The following ALK variants were observed in gnomAD, a reference collection of about 807,000 sequenced individuals.
ALK encodes ALK receptor tyrosine kinase, also known as ALK tyrosine kinase receptor.
A neutral mutation model predicts 163.1 loss-of-function variants in ALK; 74 were observed. The observed-to-expected ratio is 0.45, with a 90% CI of 0.38 to 0.55. The LOEUF (loss-of-function observed/expected upper bound fraction) is 0.55. ALK is among the 20% of genes least tolerant of loss of function. The pLI, the probability that ALK is intolerant of heterozygous loss-of-function variation, is 0.00. For synonymous variants in ALK, 960 were observed against 843.2 expected, an observed-to-expected ratio of 1.14 and a Z score of -2.40; for missense variants, 2,063 against 2,105.3, an observed-to-expected ratio of 0.98 and a Z score of 0.39.
chr2:29,753,583 T>C (rs1185017594), intron 1 of ALK, among the ~76,000 whole-genome samples: 2 of 152,112 alleles, frequency 1.3e-5, no homozygotes, highest in Non-Finnish European at 2.9e-5. Flanking sequence ...CAATAAAAGC[T>C]AGGGAGTTGG....
intron 3 of ALK, among the ~76,000 whole-genome samples, chr2:29,582,425 C>G (rs1674731993): frequency 6.6e-6 from 1 of 152,174 alleles, no homozygotes; most frequent in Non-Finnish European, 1.5e-5. Flanking sequence ...TAGGACCAGT[C>G]TGATAATTGA....
intron 1 of ALK, among the ~76,000 whole-genome samples, chr2:29,914,604 C>T (rs1250625590): frequency 6.6e-6 from 1 of 152,228 alleles, no homozygotes; most frequent in Admixed American, 6.5e-5. Flanking sequence ...CATGACAACA[C>T]CTTGAACTAT....
chr2:29,875,198 A>C (rs1666673162), intron 1 of ALK, among the ~76,000 whole-genome samples: 1 of 152,202 alleles, frequency 6.6e-6, no homozygotes, highest in Admixed American at 6.5e-5. Context: ...AAAAGAATGA[A>C]ATTCTGATAC....
intron 1 of ALK, among the ~76,000 whole-genome samples, chr2:29,767,112 A>G (rs1680886308): frequency 6.6e-6 from 1 of 152,252 alleles, no homozygotes; most frequent in South Asian, 2.1e-4. Flanking sequence ...AATAGGACCT[A>G]CTATGCACCA....
At chr2:29,374,664 T>C (rs1668712562) in intron 5 of ALK, among the ~76,000 whole-genome samples, 1 of 152,088 alleles carries the variant, frequency 6.6e-6, no homozygotes, top group South Asian at 2.1e-4. Context: ...GAGGGTGCGC[T>C]GCAGGGGGCG....
At chr2:29,372,415 C>A (rs1276282543) in intron 5 of ALK, among the ~76,000 whole-genome samples, 2 of 152,204 alleles carry the variant, frequency 1.3e-5, no homozygotes, top group South Asian at 4.1e-4. Context: ...TTCTTGATGA[C>A]TCATACCAAT....
intron 3 of ALK, among the ~76,000 whole-genome samples, chr2:29,673,842 C>T (rs1324686284): frequency 2.6e-5 from 4 of 151,270 alleles, no homozygotes; most frequent in Admixed American, 1.3e-4. Flanking sequence ...TTTGTATCCT[C>T]TTTTATTTCC....
intron 3 of ALK, among the ~76,000 whole-genome samples, chr2:29,538,139 G>T (rs1027736094): frequency 6.6e-6 from 1 of 152,134 alleles, no homozygotes; most frequent in East Asian, 1.9e-4. Context: ...TACTTTTGAG[G>T]AACTATTGTG....
intron 3 of ALK, among the ~76,000 whole-genome samples, chr2:29,628,989 A>G (rs996580204): frequency 7.9e-5 from 12 of 152,246 alleles, no homozygotes; most frequent in African/African-American, 2.7e-4. Flanking sequence ...AACCAAATTA[A>G]AAATGAAACC....
chr2:29,230,651 A>AG lies in ALK; in HGVS notation c.2633-1586dup, dbSNP rs771032599. Among the ~76,000 whole-genome samples, 28 of 152,204 alleles carry AG rather than the reference A, an allele frequency of 1.8e-4. 1 individual carries two copies. The highest frequency in any genetic ancestry group is 1.4e-3 in the East Asian group (7 of 5,152). ...TTGAATCTAGAATGGGGACAAGCAG[A>AG]GCTGAGGCGAGGCCATCAGGCAAGC... On this transcript the variant is annotated intron_variant, in intron 15 of 28. Transcript: ENST00000389048.
At chr2:29,913,839 T>A (rs557897018) in intron 1 of ALK, among the ~76,000 whole-genome samples, 2 of 152,246 alleles carry the variant, frequency 1.3e-5, no homozygotes, top group African/African-American at 4.8e-5. Context: ...TACATTTCTC[T>A]CCATATTCTC....
chr2:29,496,254 C>G (rs1456794116), intron 4 of ALK, among the ~76,000 whole-genome samples: 2 of 152,222 alleles, frequency 1.3e-5, no homozygotes, highest in African/African-American at 4.8e-5. Context: ...TTTATTACAT[C>G]AGATCCAAGC....
intron 3 of ALK, among the ~76,000 whole-genome samples, chr2:29,670,063 A>C (rs1677635550): frequency 6.6e-6 from 1 of 152,072 alleles, no homozygotes. Context: ...CCATAATTAC[A>C]ATACAGTATT....
At chr2:29,347,018 G>A (rs547749865) in intron 5 of ALK, among the ~76,000 whole-genome samples, 4 of 152,280 alleles carry the variant, frequency 2.6e-5, no homozygotes, top group Admixed American at 2.0e-4. Flanking sequence ...AAAGAGCAGC[G>A]ACTCAGAATA....
chr2:29,360,317 A>T (rs781619868), intron 5 of ALK, among the ~76,000 whole-genome samples: 23 of 152,276 alleles, frequency 1.5e-4, no homozygotes, highest in Non-Finnish European at 2.9e-4. Context: ...GGTCTTATTT[A>T]GTCTGAGTGG....
intron 1 of ALK, among the ~76,000 whole-genome samples, chr2:29,916,958 C>T (rs1318161204): frequency 1.3e-5 from 2 of 152,190 alleles, no homozygotes; most frequent in Non-Finnish European, 2.9e-5. Flanking sequence ...GGATCTGCCT[C>T]AGACTTGAAA....
Position 29,574,521 on chromosome 2 carries a change from G to A in ALK, c.953-42405C>T, listed in dbSNP as rs534206370. On this transcript the variant is annotated intron_variant, in intron 3 of 28. Transcript: ENST00000389048. Reference sequence around the variant, plus strand: ...TTTGGTCCTGCCGGCCCTATAAACCGTTGAAATGTCTGAGAAAGACTCATA... The same window carrying A: ...TTTGGTCCTGCCGGCCCTATAAACCATTGAAATGTCTGAGAAAGACTCATA... Among the ~76,000 whole-genome samples the A allele has an allele frequency of 6.2e-4, 95 of 152,336 alleles. 1 individual carries two copies. The highest frequency in any genetic ancestry group is 2.2e-3 in the African/African-American group (90 of 41,584).
chr2:29,217,745 G>C (rs1029411263), intron 23 of ALK, among the ~76,000 whole-genome samples: 1 of 152,196 alleles, frequency 6.6e-6, no homozygotes, highest in Admixed American at 6.5e-5. Flanking sequence ...CCTGCACACA[G>C]TAGGTCATCA....
In ALK at chr2:29,364,049, G is replaced by A. The variant is rs578102190; in HGVS notation, c.1282+19683C>T. Among the ~76,000 whole-genome samples, 11 of 152,204 alleles carry A rather than the reference G, an allele frequency of 7.2e-5. No individual in the cohort carries two copies. In the South Asian group the frequency reaches 1.0e-3, roughly 14 times the overall value. On this transcript the variant is annotated intron_variant, in intron 5 of 28. Coordinates refer to ENST00000389048, the MANE Select transcript of ALK (RefSeq NM_004304.5). ...ACCTCACAGTTCCTTATTATTATGG[G>A]CTATAAACACAGATTCAAAATGGGG... is the stretch of plus-strand genomic sequence containing the variant.
Sources: allele counts gnomAD v4.1 joint callset (sites outside exome capture counted in the v4.1 genomes callset), GRCh38; gene constraint gnomAD v4.1.1; transcripts MANE v1.5; gene names NCBI Gene and HGNC (gene_info 2026-07-23, HGNC 2026-07-21).